KCNIP4: variants seen among roughly 807,000 people sequenced by gnomAD.
KCNIP4 encodes the protein Kv channel-interacting protein 4.
In KCNIP4, 12 loss-of-function variants were observed where a neutral mutation model predicts 34.0. That is an observed-to-expected ratio of 0.35 (90% CI 0.23 to 0.57). The LOEUF (loss-of-function observed/expected upper bound fraction) is 0.57, where lower values mean the gene tolerates loss of function less well. Ranked by LOEUF, KCNIP4 falls within the 20% of genes least tolerant of loss-of-function variation. The pLI, the probability that KCNIP4 is intolerant of heterozygous loss-of-function variation, is 0.83. For missense variants in KCNIP4, 238 were observed against 311.7 expected, an observed-to-expected ratio of 0.76 and a Z score of 1.78; for synonymous variants, 124 against 102.2, an observed-to-expected ratio of 1.21 and a Z score of -1.29.
chr4:21,399,526 A>T (rs1180378447), intron 1 of KCNIP4, among the ~76,000 whole-genome samples: 1 of 152,196 alleles, frequency 6.6e-6, no homozygotes, highest in Non-Finnish European at 1.5e-5. Flanking sequence ...GGGCCAAGAA[A>T]TTGTGGGTTT....
chr4:21,220,422 C>T (rs554811140), intron 1 of KCNIP4, among the ~76,000 whole-genome samples: 60 of 152,024 alleles, frequency 3.9e-4, no homozygotes, highest in African/African-American at 1.1e-3. Flanking sequence ...GGTCAGGAGA[C>T]GGGGGAGGGA....
At chr4:20,919,596 A>G (rs1729187522) in intron 1 of KCNIP4, among the ~76,000 whole-genome samples, 1 of 150,246 alleles carries the variant, frequency 6.7e-6, no homozygotes, top group Non-Finnish European at 1.5e-5. Context: ...CCAGCAACTC[A>G]GGAGGCTGAG....
intron 3 of KCNIP4, among the ~76,000 whole-genome samples, chr4:20,788,436 A>G (rs192736282): frequency 7.2e-5 from 11 of 152,306 alleles, no homozygotes; most frequent in Admixed American, 3.9e-4. Context: ...GTAGCTGACT[A>G]TAGCCCAGCC....
chr4:21,114,984 T>G (rs1435008735), intron 1 of KCNIP4, among the ~76,000 whole-genome samples: 1 of 152,194 alleles, frequency 6.6e-6, no homozygotes, highest in African/African-American at 2.4e-5. Context: ...GATTTATAGT[T>G]ATCTGGCCAT....
chr4:21,776,401 G>A (rs968840495), intron 1 of KCNIP4, among the ~76,000 whole-genome samples: 1 of 152,062 alleles, frequency 6.6e-6, no homozygotes, highest in African/African-American at 2.4e-5. Context: ...CGCCCCAGAA[G>A]TTTCTTCAAC....
intron 1 of KCNIP4, among the ~76,000 whole-genome samples, chr4:21,922,256 G>A (rs1287396982): frequency 6.6e-6 from 1 of 152,098 alleles, no homozygotes; most frequent in Non-Finnish European, 1.5e-5. Context: ...GGCCCATGAT[G>A]CTGCTTTCCT....
chr4:21,756,104 T>TA (rs1419568106), intron 1 of KCNIP4, among the ~76,000 whole-genome samples: 1 of 152,230 alleles, frequency 6.6e-6, no homozygotes, highest in African/African-American at 2.4e-5. Flanking sequence ...ACTTTATAGC[T>TA]AAAAACATGG....
chr4:21,522,783 T>G (rs901864096), intron 1 of KCNIP4, among the ~76,000 whole-genome samples: 2 of 152,112 alleles, frequency 1.3e-5, no homozygotes, highest in Admixed American at 6.6e-5. Flanking sequence ...TCACAATATG[T>G]ATTTCATTAG....
Position 21,772,015 on chromosome 4 carries a change from A to T in KCNIP4, c.61+176556T>A, listed in dbSNP as rs185396820. On this transcript the variant is annotated intron_variant, in intron 1 of 8. Transcript: ENST00000382152. ...TGTCTTGTGCCCACTTTCAAAGGGA[A>T]TGCCTCCAGCTTTTGCCCATTCAAT... Among the ~76,000 whole-genome samples, 197 of 152,292 alleles carry T rather than the reference A, an allele frequency of 1.3e-3. 2 individuals carry two copies. The highest frequency in any genetic ancestry group is 4.6e-3 in the African/African-American group (190 of 41,568).
intron 1 of KCNIP4, among the ~76,000 whole-genome samples, chr4:21,712,192 TATA>T (rs1352472495): frequency 6.6e-6 from 1 of 152,188 alleles, no homozygotes; most frequent in African/African-American, 2.4e-5. Context: ...TACAGAATAA[TATA>T]ATCCTTCCCG....
At chr4:20,764,681 GACACACAC>G (rs5856578) in intron 3 of KCNIP4, among the ~76,000 whole-genome samples, 2 of 147,108 alleles carry the variant, frequency 1.4e-5, no homozygotes, top group African/African-American at 5.1e-5. Flanking sequence ...ATGGGAATTG[GACACACAC>G]ACACACACAC....
intron 1 of KCNIP4, among the ~76,000 whole-genome samples, chr4:21,060,821 T>G (rs535872442): frequency 6.6e-6 from 1 of 152,314 alleles, no homozygotes; most frequent in Admixed American, 6.5e-5. Context: ...CAGAAACACC[T>G]GTTTAGACTT....
intron 1 of KCNIP4, among the ~76,000 whole-genome samples, chr4:21,126,760 A>G (rs1560746316): frequency 6.6e-6 from 1 of 152,216 alleles, no homozygotes; most frequent in Admixed American, 6.5e-5. Context: ...GAGAAATCAA[A>G]TGGTTTCTTT....
At chr4:21,423,953 G>A (rs1054326157) in intron 1 of KCNIP4, among the ~76,000 whole-genome samples, 39 of 151,174 alleles carry the variant, frequency 2.6e-4, no homozygotes, top group African/African-American at 7.0e-4. Flanking sequence ...GATTACAGGC[G>A]CGCGCCACCA....
intron 5 of KCNIP4, among the ~76,000 whole-genome samples, chr4:20,743,658 A>G (rs1751714112): frequency 6.6e-6 from 1 of 152,206 alleles, no homozygotes; most frequent in Non-Finnish European, 1.5e-5. Context: ...ACCTAAAACC[A>G]TAAAAACCCT....
intron 1 of KCNIP4, among the ~76,000 whole-genome samples, chr4:20,959,847 T>C (rs1358715629): frequency 6.6e-6 from 1 of 152,224 alleles, no homozygotes; most frequent in Non-Finnish European, 1.5e-5. Context: ...GTGCAATCCT[T>C]AACATAATCT....
At chr4:20,823,685 T>G (rs1287876819) in intron 3 of KCNIP4, among the ~76,000 whole-genome samples, 1 of 152,200 alleles carries the variant, frequency 6.6e-6, no homozygotes, top group Non-Finnish European at 1.5e-5. Context: ...CTTGGATTTC[T>G]CAGCCTCCAG....
chr4:21,174,109 G>A (rs1577830677), intron 1 of KCNIP4, among the ~76,000 whole-genome samples: 1 of 152,110 alleles, frequency 6.6e-6, no homozygotes, highest in African/African-American at 2.4e-5. Context: ...TTAGTTGAGT[G>A]GCTCTGTTGT....
At chr4:21,894,994 T>A (rs1415497469) in intron 1 of KCNIP4, among the ~76,000 whole-genome samples, 1 of 152,130 alleles carries the variant, frequency 6.6e-6, no homozygotes, top group Non-Finnish European at 1.5e-5. Flanking sequence ...TCTTATCTCT[T>A]CTCTCTTCTT....
Sources: gnomAD v4.1 joint callset for allele counts (sites outside exome capture counted in the v4.1 genomes callset) on GRCh38, gnomAD v4.1.1 for gene constraint, MANE v1.5 for transcripts, NCBI Gene and HGNC (gene_info 2026-07-23, HGNC 2026-07-21) for gene names.